RBMX2: variants seen among roughly 807,000 people sequenced by gnomAD.
The protein encoded by RBMX2 is RNA binding motif protein X-linked 2, also known as RNA-binding motif protein, X-linked 2.
For missense variants in RBMX2, 191 were observed against 256.0 expected (o/e 0.75, Z 1.73); for synonymous variants, 77 against 94.3 (o/e 0.82, Z 1.07).
intron 5 of RBMX2, 96 bp downstream of exon 5, chrX:130,411,621 G>A (rs2034513061): frequency 2.3e-6 from 2 of 854,077 alleles, no homozygotes; most frequent in African/African-American, 2.1e-5. Context: ...AAGTGTGAAA[G>A]GGGAAGGTGT....
rs1000777207 is a variant in RBMX2, at chrX:130,412,899, G to A, written c.*51G>A. The A allele has an allele frequency of 2.4e-5, 26 of 1,096,615 alleles. No individual in the cohort carries two copies. The highest frequency in any genetic ancestry group is 2.9e-5 in the Non-Finnish European group (24 of 824,473). The allele number at this position is 1,096,615 out of a possible 1,213,427, so 90.4% of individuals were successfully genotyped here. The stretch of plus-strand genomic sequence containing the variant: ...GAAATAATTATGTTTTTTAAATGCA[G>A]TCAAATTCAGTTGGGTGGTTACTAT... On this transcript the variant is annotated 3_prime_UTR_variant, in exon 6 of 6. Coordinates refer to ENST00000305536, the MANE Select transcript of RBMX2 (RefSeq NM_016024.4).
In RBMX2 at chrX:130,403,860, G is replaced by T. The variant is rs757224550; in HGVS notation, c.173+7G>T. ...TCATCTGTGTGTTCTCACAGTAAGT[G>T]TCCTTTCATTTCCTGCCTCCTGAGT... On this transcript the variant is annotated splice_region_variant and intron_variant, in intron 3 of 5. Coordinates refer to ENST00000305536, the MANE Select transcript of RBMX2 (RefSeq NM_016024.4). 3 of 1,206,316 alleles carry T rather than the reference G, an allele frequency of 2.5e-6. No homozygotes were observed. The highest frequency in any genetic ancestry group is 3.5e-5 in the African/African-American group (2 of 57,805).
At chrX:130,404,015 G>T (rs915575720) in intron 3 of RBMX2, 162 bp downstream of exon 3, 1 of 470,401 alleles carries the variant, frequency 2.1e-6, no homozygotes, top group Non-Finnish European at 3.7e-6. Context: ...CCAGGACATG[G>T]TTCTAGAATG....
chrX:130,402,163 C>T (rs958555059), intron 1 of RBMX2, 92 bp from the exon 2 acceptor site: 3 of 1,161,666 alleles, frequency 2.6e-6, no homozygotes, highest in Non-Finnish European at 3.5e-6. Flanking sequence ...AACAGCTCGT[C>T]CCCTAGTTTT....
intron 4 of RBMX2, 110 bp from the exon 5 acceptor site, chrX:130,411,238 A>G (rs1317100434): frequency 8.1e-5 from 62 of 768,888 alleles, no homozygotes; most frequent in Non-Finnish European, 3.7e-6. Context: ...GAATTTAACA[A>G]GAAGGTAAAG....
At chrX:130,411,010 C>A (rs1463820063) in intron 4 of RBMX2, among the ~76,000 whole-genome samples, 1 of 112,010 alleles carries the variant, frequency 8.9e-6, no homozygotes, top group African/African-American at 3.2e-5. Flanking sequence ...AAATCTCAGT[C>A]TTCCCTGATG....
chrX:130,410,678 C>T (rs1374194622), intron 4 of RBMX2, among the ~76,000 whole-genome samples: 2 of 112,167 alleles, frequency 1.8e-5, no homozygotes, highest in Non-Finnish European at 3.8e-5. Context: ...TGAGCCACTG[C>T]GCCCGGCCAG....
At chrX:130,402,078 A>G in intron 1 of RBMX2, 41 bp downstream of exon 1, 1 of 1,191,804 alleles carries the variant, frequency 8.4e-7, no homozygotes, top group African/African-American at 1.7e-5. Flanking sequence ...GCAGCGGGCC[A>G]CTGGGGGTGG....
chrX:130,405,381 C>CA (rs1363755646), intron 3 of RBMX2, among the ~76,000 whole-genome samples: 51 of 97,498 alleles, frequency 5.2e-4, no homozygotes, highest in Admixed American at 6.8e-4. Flanking sequence ...TCCCCCATCT[C>CA]AAAAAAAAAG....
intron 1 of RBMX2, 89 bp from the exon 2 acceptor site, chrX:130,402,166 C>T: frequency 8.6e-7 from 1 of 1,163,482 alleles, no homozygotes; most frequent in Non-Finnish European, 1.2e-6. Flanking sequence ...AGCTCGTCCC[C>T]TAGTTTTGCT....
At chrX:130,409,000 G>C (rs2034499136) in intron 3 of RBMX2, among the ~76,000 whole-genome samples, 1 of 111,594 alleles carries the variant, frequency 9.0e-6, no homozygotes, top group South Asian at 3.7e-4. Context: ...GCCTTTTTCA[G>C]TGTAAAATAA....
rs756209458 is a variant in RBMX2 at position 130,402,237 on chromosome X, C to T, written c.6-18C>T. 9 of 1,175,995 alleles carry T rather than the reference C, an allele frequency of 7.7e-6. No homozygotes were observed. In the East Asian group the frequency reaches 9.1e-5, roughly 12 times the overall value. Reference sequence around the variant, plus strand: ...TGCTTTTCTGCCTACCCTCCCCACCCCCCCCGCCACCGTGAAGCCCTTTAA... The same window carrying T: ...TGCTTTTCTGCCTACCCTCCCCACCTCCCCCGCCACCGTGAAGCCCTTTAA... On this transcript the variant is annotated intron_variant, in intron 1 of 5. Coordinates refer to ENST00000305536, the MANE Select transcript of RBMX2 (RefSeq NM_016024.4).
chrX:130,406,238 A>G (rs1457683902), intron 3 of RBMX2, among the ~76,000 whole-genome samples: 2 of 110,954 alleles, frequency 1.8e-5, no homozygotes, highest in African/African-American at 3.3e-5. Context: ...TAAATTGTCT[A>G]TTCATATCCT....
At position 130,411,544 on chromosome X, in the gene RBMX2, A is replaced by C; in HGVS notation, c.481+19A>C. 8.7e-7 allele frequency: 1 copy of C among 1,153,022 alleles called. No homozygotes were observed. Among genetic ancestry groups the C allele is most frequent in the Non-Finnish European group, 1.2e-6 (1 of 863,922 alleles). ...AAAAAAGGTAAAGCATTAAGACTTA[A>C]GAGAAGATTCTGGGTGGTCTTAATG... On this transcript the variant is annotated intron_variant, in intron 5 of 5. Coordinates refer to ENST00000305536, the MANE Select transcript of RBMX2 (RefSeq NM_016024.4).
Position 130,407,832 on chromosome X carries a change from T to A in RBMX2, c.174-1425T>A, listed in dbSNP as rs759450422. Among the ~76,000 whole-genome samples, 17 of 109,872 alleles carry A rather than the reference T, an allele frequency of 1.5e-4. No homozygotes were observed. The South Asian group carries it at 2.3e-3, about 15-fold the overall frequency. Reference sequence around the variant, plus strand: ...ACTATGCCTGGCTAATTAAAAAAAATTTTTTTTGTAGAGACAGGGGTCTGG... The same window carrying A: ...ACTATGCCTGGCTAATTAAAAAAAAATTTTTTTGTAGAGACAGGGGTCTGG... On this transcript the variant is annotated intron_variant, in intron 3 of 5. Coordinates refer to ENST00000305536, the MANE Select transcript of RBMX2 (RefSeq NM_016024.4).
At chrX:130,402,454 C>T in intron 2 of RBMX2, 84 bp downstream of exon 2, 1 of 1,131,668 alleles carries the variant, frequency 8.8e-7, no homozygotes, top group Non-Finnish European at 1.2e-6. Context: ...ACCCTTCACT[C>T]CTGCTTACAT....
At chrX:130,411,196 C>T (rs1240511782) in intron 4 of RBMX2, 152 bp from the exon 5 acceptor site, 1 of 488,799 alleles carries the variant, frequency 2.0e-6, no homozygotes, top group Non-Finnish European at 3.3e-6. Flanking sequence ...CATGCTATGA[C>T]ACACCAGTTG....
At chrX:130,402,139 G>A (rs1032692571) in intron 1 of RBMX2, 102 bp downstream of exon 1, 2 of 1,161,984 alleles carry the variant, frequency 1.7e-6, no homozygotes, top group Non-Finnish European at 2.3e-6. Context: ...GGGCGGGAGC[G>A]GCGCGGGGAC....
intron 3 of RBMX2, among the ~76,000 whole-genome samples, chrX:130,408,942 A>T (rs1309207014): frequency 2.7e-5 from 3 of 112,137 alleles, no homozygotes; most frequent in Non-Finnish European, 3.8e-5. Flanking sequence ...TTGATTTCTT[A>T]ATTGGCTCAT....
Sources: gnomAD v4.1 joint callset for allele counts (sites outside exome capture counted in the v4.1 genomes callset) on GRCh38, gnomAD v4.1.1 for gene constraint, MANE v1.5 for transcripts, NCBI Gene and HGNC (gene_info 2026-07-23, HGNC 2026-07-21) for gene names.